ZNF654: variants seen among roughly 807,000 people sequenced by gnomAD.
ZNF654 encodes melanoma-associated antigen.
ZNF654 carries 19 observed loss-of-function variants against 95.3 expected under a neutral mutation model. That is an observed-to-expected ratio of 0.20 (90% CI 0.14 to 0.29). ZNF654 has a LOEUF of 0.29. Ranked by LOEUF, ZNF654 falls within the 10% of genes least tolerant of loss-of-function variation. ZNF654 has a pLI of 1.00. For missense variants in ZNF654, 1,046 were observed against 1,341.0 expected (o/e 0.78, Z 3.44); for synonymous variants, 413 against 457.9 (o/e 0.90, Z 1.25).
chr3:88,069,582 C>T lies in ZNF654; in HGVS notation c.186+10077C>T, dbSNP rs565367496. 5.3e-5 allele frequency among the ~76,000 whole-genome samples: 8 copies of T among 152,330 alleles called. 1 individual carries two copies. Among genetic ancestry groups the T allele is most frequent in the African/African-American group, 9.6e-5 (4 of 41,576 alleles). On this transcript the variant is annotated intron_variant, in intron 1 of 8. Coordinates refer to ENST00000636215, the MANE Select transcript of ZNF654 (RefSeq NM_001350134.2). ...AACAGGACAATGTTTGCTTACCACA[C>T]TATATCCCCAGTGCCTTATATAATT...
intron 2 of ZNF654, among the ~76,000 whole-genome samples, chr3:88,088,191 C>T (rs181116089): frequency 3.0e-4 from 46 of 152,218 alleles, no homozygotes; most frequent in African/African-American, 9.1e-4. Flanking sequence ...TACTTAATTA[C>T]GCTAAAGAAA....
chr3:88,119,146 CAAT>C (rs1404016769), intron 3 of ZNF654, among the ~76,000 whole-genome samples: 1 of 147,488 alleles, frequency 6.8e-6, no homozygotes, highest in South Asian at 2.2e-4. Context: ...AAATGTCCAA[CAAT>C]GATAGACTGG....
intron 2 of ZNF654, among the ~76,000 whole-genome samples, chr3:88,108,964 C>T (rs1704913161): frequency 1.3e-5 from 2 of 152,072 alleles, no homozygotes; most frequent in Non-Finnish European, 2.9e-5. Flanking sequence ...TTTAAAGCCA[C>T]ATGGTGCATG....
intron 3 of ZNF654, among the ~76,000 whole-genome samples, chr3:88,119,492 GTAAC>G (rs1367267751): frequency 6.0e-5 from 9 of 149,694 alleles, no homozygotes; most frequent in Non-Finnish European, 8.9e-5. Context: ...GTATACATAT[GTAAC>G]TAACCTGCAC....
chr3:88,099,859 A>G (rs980930166), intron 2 of ZNF654, among the ~76,000 whole-genome samples: 3 of 152,252 alleles, frequency 2.0e-5, no homozygotes, highest in African/African-American at 7.2e-5. Context: ...TAGACCTAAA[A>G]CCATAAAAAC....
At position 88,143,856 on chromosome 3, in the gene ZNF654, G is replaced by A. The variant is rs1248033710; in HGVS notation, c.*2204G>A. On this transcript the variant is annotated 3_prime_UTR_variant, in exon 9 of 9. Transcript: ENST00000636215. ...TTTATATACTTCTCAAATAGCTATT[G>A]AAAGAATGTGTTCATTTTATTACAT... 6.6e-6 allele frequency: 1 copy of A among 151,982 alleles called. No homozygotes were observed. Among genetic ancestry groups the A allele is most frequent in the East Asian group, 1.9e-4 (1 of 5,190 alleles). The allele number at this position is 151,982 out of a possible 1,614,324, so 9.4% of individuals were successfully genotyped here. A position where few individuals can be genotyped will look rare whatever the true frequency, so the allele number is the denominator to read the frequency against.
Position 88,140,698 on chromosome 3 carries a change from T to G in ZNF654, c.3029T>G (p.Leu1010Trp). 2 of 1,613,798 alleles carry G rather than the reference T, an allele frequency of 1.2e-6. No individual in the cohort carries two copies. ...ATCAGGACAGAAAATGGTTCCATTT[T>G]GCCCAGTGTTGTACCACAAGAACAC... The part of the protein sequence containing the change: ...NRIRTENGSI[L>W]PSVVPQEHNT... The change falls in exon 8 of 9, where the codon TTG (leucine) becomes TGG (tryptophan). Residue 1010 changes from leucine (L) to tryptophan (W), a missense_variant. This residue lies in a region of ZNF654 where 495 missense variants were observed against 537.0 expected (regional missense o/e 0.92). Coordinates refer to ENST00000636215, the MANE Select transcript of ZNF654 (RefSeq NM_001350134.2).
intron 3 of ZNF654, among the ~76,000 whole-genome samples, chr3:88,123,095 A>C (rs888771129): frequency 2.0e-5 from 3 of 152,124 alleles, no homozygotes; most frequent in Non-Finnish European, 4.4e-5. Context: ...TGCATTCTAC[A>C]GTAATTTAAG....
chr3:88,069,376 G>T (rs9864564), intron 1 of ZNF654, among the ~76,000 whole-genome samples: 1 of 152,128 alleles, frequency 6.6e-6, no homozygotes, highest in Non-Finnish European at 1.5e-5. Context: ...GAGTCTAGAT[G>T]GCGCCGCTGC....
At chr3:88,083,183 C>A (rs543715962) in intron 1 of ZNF654, among the ~76,000 whole-genome samples, 1 of 152,054 alleles carries the variant, frequency 6.6e-6, no homozygotes, top group African/African-American at 2.4e-5. Flanking sequence ...ACAGTCCCAT[C>A]GGGGGGTTAG....
chr3:88,096,357 A>G (rs916068118), intron 2 of ZNF654, among the ~76,000 whole-genome samples: 1 of 152,078 alleles, frequency 6.6e-6, no homozygotes, highest in African/African-American at 2.4e-5. Context: ...AGGAAGCAGC[A>G]CCGATTTGTG....
intron 2 of ZNF654, among the ~76,000 whole-genome samples, chr3:88,109,712 T>G (rs1462238321): frequency 6.6e-6 from 1 of 152,204 alleles, no homozygotes; most frequent in East Asian, 1.9e-4. Flanking sequence ...ATATCCCGGA[T>G]AATTATTTCA....
At chr3:88,064,055 T>C (rs1290925859) in intron 1 of ZNF654, among the ~76,000 whole-genome samples, 1 of 152,186 alleles carries the variant, frequency 6.6e-6, no homozygotes, top group Non-Finnish European at 1.5e-5. Context: ...ATGCCTATGA[T>C]TCTGTCAGTA....
At chr3:88,111,873 G>A (rs1705109578) in intron 2 of ZNF654, among the ~76,000 whole-genome samples, 3 of 151,802 alleles carry the variant, frequency 2.0e-5, no homozygotes, top group African/African-American at 7.2e-5. Context: ...AGGAGAAATG[G>A]CATTTAATCT....
intron 2 of ZNF654, among the ~76,000 whole-genome samples, chr3:88,103,764 T>A (rs1704571105): frequency 1.1e-3 from 2 of 1,794 alleles, no homozygotes; most frequent in Non-Finnish European, 0.05. Context: ...TGTATTAACT[T>A]TTTTTTTTTT....
At chr3:88,141,112 T>C (rs1559739457) in intron 8 of ZNF654, 64 bp downstream of exon 8, 2 of 1,507,246 alleles carry the variant, frequency 1.3e-6, no homozygotes, top group Non-Finnish European at 1.8e-6. Flanking sequence ...AATAAAACTA[T>C]TATAGATCTT....
intron 1 of ZNF654, among the ~76,000 whole-genome samples, chr3:88,080,814 A>G (rs1328537542): frequency 6.6e-6 from 1 of 152,252 alleles, no homozygotes; most frequent in Middle Eastern, 3.2e-3. Context: ...GTTGGAACAG[A>G]CAGATTTGTT....
At position 88,116,557 on chromosome 3, in the gene ZNF654, T is replaced by TACACACAC. The variant is rs745598873; in HGVS notation, c.414+3362_414+3363insCACACACA. On this transcript the variant is annotated intron_variant, in intron 3 of 8. Transcript: ENST00000636215. ...AAAAAAATACATACATACATACATA[T>TACACACAC]ATATACACACACACACACACATGCA... Among the ~76,000 whole-genome samples, 138 of 25,486 alleles carry TACACACAC rather than the reference T, an allele frequency of 5.4e-3. 1 individual carries two copies. The highest frequency in any genetic ancestry group is 3.3e-3 in the South Asian group (1 of 304). The allele number at this position is 25,486 out of a possible 152,430, so 16.7% of individuals were successfully genotyped here.
intron 3 of ZNF654, among the ~76,000 whole-genome samples, chr3:88,124,108 A>G (rs1195092900): frequency 6.6e-6 from 1 of 152,222 alleles, no homozygotes; most frequent in Non-Finnish European, 1.5e-5. Context: ...CTAAAATAAG[A>G]TATTTATTCG....
Sources: allele counts gnomAD v4.1 joint callset (sites outside exome capture counted in the v4.1 genomes callset), GRCh38; gene constraint gnomAD v4.1.1; regional missense constraint gnomAD v4.1.1; transcripts MANE v1.5; gene names NCBI Gene and HGNC (gene_info 2026-07-23, HGNC 2026-07-21).